Variants in MYO3A observed in about 807,000 individuals in gnomAD.
MYO3A encodes myosin IIIA.
A neutral mutation model predicts 192.7 loss-of-function variants in MYO3A; 180 were observed. The ratio of observed to expected loss-of-function variants is 0.93; its 90% CI spans 0.83 to 1.06. MYO3A has a LOEUF of 1.06. MYO3A is among the 50% of genes least tolerant of loss of function. The pLI is 0.00. For synonymous variants in MYO3A, 628 were observed against 645.3 expected, an observed-to-expected ratio of 0.97 and a Z score of 0.41; for missense variants, 1,896 against 1,905.0, an observed-to-expected ratio of 1.00 and a Z score of 0.09.
chr10:26,179,412 T>A (rs535356493), intron 31 of MYO3A, among the ~76,000 whole-genome samples: 1 of 152,256 alleles, frequency 6.6e-6, no homozygotes, highest in Non-Finnish European at 1.5e-5. Context: ...CTAATTTTTC[T>A]TAAATGTATG....
intron 32 of MYO3A, among the ~76,000 whole-genome samples, chr10:26,196,752 G>C (rs1843427639): frequency 6.6e-6 from 1 of 151,486 alleles, no homozygotes; most frequent in Non-Finnish European, 1.5e-5. Flanking sequence ...GATGACCCAG[G>C]GTCACTTAAG....
intron 20 of MYO3A, among the ~76,000 whole-genome samples, chr10:26,138,793 G>T (rs1390228459): frequency 6.6e-6 from 1 of 152,178 alleles, no homozygotes; most frequent in Non-Finnish European, 1.5e-5. Flanking sequence ...TCAAGAGGAT[G>T]ATTTCCCCAG....
intron 12 of MYO3A, among the ~76,000 whole-genome samples, chr10:26,069,151 A>T (rs1228557972): frequency 2.0e-5 from 3 of 152,100 alleles, no homozygotes; most frequent in Admixed American, 1.3e-4. Context: ...TTGTATCACT[A>T]AACAGATGCC....
intron 15 of MYO3A, among the ~76,000 whole-genome samples, chr10:26,096,131 C>T (rs981782105): frequency 2.6e-5 from 4 of 152,212 alleles, no homozygotes; most frequent in African/African-American, 9.6e-5. Context: ...GCGCCTGGAA[C>T]AGTGCCTGGA....
rs1385591137 is a variant in MYO3A, at chr10:25,954,940, G to A, written c.235G>A (p.Val79Ile). 3.1e-6 allele frequency: 5 copies of A among 1,612,650 alleles called. No homozygotes were observed. The South Asian group carries it at 5.5e-5, about 18-fold the overall frequency. ...LKALSDHPNVVRFYGIYFKKD... is the reference protein window; with the variant it reads ...LKALSDHPNVIRFYGIYFKKD... ...AGCACTTTCTGACCACCCTAATGTG[G>A]TCAGATTCTATGGGATATACTTTAA... Residue 79 changes from valine to isoleucine, a missense_variant, in exon 4 of 35, where the codon GTC becomes ATC. By Grantham distance (29) the Val-to-Ile change is conservative. Transcript: ENST00000642920.
chr10:25,939,323 A>T (rs1048543468), intron 2 of MYO3A, among the ~76,000 whole-genome samples: 1 of 151,926 alleles, frequency 6.6e-6, no homozygotes, highest in Non-Finnish European at 1.5e-5. Flanking sequence ...TATTACATTT[A>T]TGAATCCCCT....
chr10:25,969,238 A>G (rs1182716220), intron 4 of MYO3A, among the ~76,000 whole-genome samples: 1 of 152,166 alleles, frequency 6.6e-6, no homozygotes, highest in Admixed American at 6.5e-5. Context: ...CTCCATCTCT[A>G]AAAAAGGCCC....
At chr10:26,058,294 C>G (rs544507788) in intron 10 of MYO3A, among the ~76,000 whole-genome samples, 62 of 152,176 alleles carry the variant, frequency 4.1e-4, no homozygotes, top group African/African-American at 1.2e-3. Flanking sequence ...GTATTTCTTC[C>G]ATGTTTTTTT....
At chr10:26,136,989 G>A (rs1839886571) in intron 20 of MYO3A, among the ~76,000 whole-genome samples, 1 of 151,776 alleles carries the variant, frequency 6.6e-6, no homozygotes, top group Non-Finnish European at 1.5e-5. Flanking sequence ...CTGCACTCCA[G>A]CCTGGGCCAC....
At chr10:25,938,671 G>A (rs1836274881) in intron 2 of MYO3A, among the ~76,000 whole-genome samples, 1 of 152,152 alleles carries the variant, frequency 6.6e-6, no homozygotes, top group South Asian at 2.1e-4. Flanking sequence ...GAATATACAT[G>A]ATGAATGTGT....
intron 9 of MYO3A, among the ~76,000 whole-genome samples, 153 bp from the exon 10 acceptor site, chr10:26,026,224 A>C (rs562820702): frequency 3.9e-4 from 59 of 152,348 alleles, no homozygotes; most frequent in African/African-American, 1.4e-3. Flanking sequence ...TATTTTTGAG[A>C]GATTAAAAAT....
At chr10:26,154,372 A>G (rs936072584) in intron 24 of MYO3A, among the ~76,000 whole-genome samples, 2 of 151,990 alleles carry the variant, frequency 1.3e-5, no homozygotes, top group African/African-American at 4.8e-5. Flanking sequence ...TAGAGACAGG[A>G]TTTCACCATG....
chr10:26,016,942 T>C, intron 7 of MYO3A, 46 bp downstream of exon 7: 2 of 1,553,134 alleles, frequency 1.3e-6, no homozygotes, highest in Non-Finnish European at 1.8e-6. Context: ...CTGATCCTGT[T>C]TGACTTTCCT....
chr10:26,179,803 AT>A (rs953899911), intron 31 of MYO3A, among the ~76,000 whole-genome samples: 31 of 152,316 alleles, frequency 2.0e-4, no homozygotes, highest in African/African-American at 6.7e-4. Context: ...TAACAATAAC[AT>A]TTTTTAAAAA....
intron 31 of MYO3A, among the ~76,000 whole-genome samples, chr10:26,188,116 A>C (rs572721295): frequency 5.3e-4 from 80 of 152,300 alleles, no homozygotes; most frequent in African/African-American, 1.9e-3. Context: ...CAACAGTGTA[A>C]AAGTGTTCCT....
intron 29 of MYO3A, among the ~76,000 whole-genome samples, chr10:26,172,504 C>T (rs1418965830): frequency 6.6e-6 from 1 of 152,218 alleles, no homozygotes; most frequent in Non-Finnish European, 1.5e-5. Flanking sequence ...GCAGTGTGTA[C>T]AAGTCTTCAC....
At chr10:25,965,631 A>G (rs1400048212) in intron 4 of MYO3A, among the ~76,000 whole-genome samples, 1 of 152,000 alleles carries the variant, frequency 6.6e-6, no homozygotes, top group African/African-American at 2.4e-5. Context: ...TGTAGTCCTC[A>G]TGGCCTAGAT....
chr10:26,098,694 T>A lies in MYO3A; in HGVS notation c.1776+2012T>A, dbSNP rs531006119. ...ATCCTTTCCCAGTTTCTTGTTTTTG[T>A]CAGGTTTGTCAAAGATCAGATGGTT... On this transcript the variant is annotated intron_variant, in intron 17 of 34. Coordinates refer to ENST00000642920, the MANE Select transcript of MYO3A (RefSeq NM_017433.5). Among the ~76,000 whole-genome samples the A allele has an allele frequency of 2.3e-4, 35 of 152,234 alleles. 1 individual carries two copies. The highest frequency in any genetic ancestry group is 4.9e-4 in the Non-Finnish European group (33 of 68,038).
intron 21 of MYO3A, among the ~76,000 whole-genome samples, chr10:26,143,909 G>T (rs1251170417): frequency 6.6e-6 from 1 of 152,168 alleles, no homozygotes; most frequent in Non-Finnish European, 1.5e-5. Flanking sequence ...TTAGAAATTG[G>T]TGAGCAGTGC....
Sources: allele counts gnomAD v4.1 joint callset (sites outside exome capture counted in the v4.1 genomes callset), GRCh38; gene constraint gnomAD v4.1.1; transcripts MANE v1.5; gene names NCBI Gene and HGNC (gene_info 2026-07-23, HGNC 2026-07-21).